Variants in MEIS2 observed in about 807,000 individuals in gnomAD.
MEIS2 encodes Meis homeobox 2, also known as homeobox protein Meis2.
Under a neutral mutation model 58.6 loss-of-function variants are expected in MEIS2, and 9 were observed. The ratio of observed to expected loss-of-function variants is 0.15; its 90% CI spans 0.09 to 0.27. The LOEUF (loss-of-function observed/expected upper bound fraction) is 0.27. Among genes scored for constraint, MEIS2 ranks in the 10% least tolerant of loss-of-function variants. The probability of loss-of-function intolerance (pLI) is 1.00; values close to 1 mark genes in which losing one functional copy is unlikely to be tolerated. For missense variants in MEIS2, 427 were observed against 635.0 expected (o/e 0.67, Z 3.52); for synonymous variants, 221 against 228.4 (o/e 0.97, Z 0.29).
intron 7 of MEIS2, among the ~76,000 whole-genome samples, chr15:37,051,253 G>T (rs1329832797): frequency 6.6e-6 from 1 of 151,942 alleles, no homozygotes; most frequent in Non-Finnish European, 1.5e-5. Flanking sequence ...AACAAACTGT[G>T]GTATATCCAC....
intron 8 of MEIS2, among the ~76,000 whole-genome samples, chr15:36,991,783 C>CTTTTTTTTTTTT (rs11285545): frequency 7.7e-3 from 395 of 51,036 alleles, no homozygotes; most frequent in East Asian, 0.016. Context: ...TTTTTTTTTT[C>CTTTTTTTTTTTT]TTTTTTTTTT....
At chr15:37,051,319 G>A (rs1206768928) in intron 7 of MEIS2, among the ~76,000 whole-genome samples, 2 of 152,142 alleles carry the variant, frequency 1.3e-5, no homozygotes, top group Admixed American at 1.3e-4. Context: ...CCCCCAGCAT[G>A]GTACATTTTG....
At chr15:37,011,436 A>G (rs1483417865) in intron 8 of MEIS2, among the ~76,000 whole-genome samples, 1 of 152,198 alleles carries the variant, frequency 6.6e-6, no homozygotes, top group Non-Finnish European at 1.5e-5. Flanking sequence ...ACAAATGTAT[A>G]TAGATGCAGA....
At chr15:37,050,063 A>G (rs1212817541) in intron 7 of MEIS2, among the ~76,000 whole-genome samples, 1 of 152,186 alleles carries the variant, frequency 6.6e-6, no homozygotes, top group African/African-American at 2.4e-5. Context: ...TAGAACATAT[A>G]TTGACTTTCA....
rs111592001 is a variant in MEIS2, at chr15:37,062,724, C to T, written c.754+21047G>A. Reference sequence around the variant, plus strand: ...GCATCAAATTTACATATAAGGACCCCTGAAGAATTTAACCAAATTTACCTT... The same window carrying T: ...GCATCAAATTTACATATAAGGACCCTTGAAGAATTTAACCAAATTTACCTT... On this transcript the variant is annotated intron_variant, in intron 7 of 11. Transcript: ENST00000561208. 3.2e-3 allele frequency among the ~76,000 whole-genome samples: 482 copies of T among 152,304 alleles called. 2 individuals are homozygous for T. The Middle Eastern group carries it at 0.034, about 11-fold the overall frequency.
At chr15:36,910,183 G>C (rs1006368587) in intron 9 of MEIS2, among the ~76,000 whole-genome samples, 3 of 152,088 alleles carry the variant, frequency 2.0e-5, no homozygotes, top group African/African-American at 7.2e-5. Flanking sequence ...TCCAGTCTGG[G>C]CAACAGAGCC....
chr15:37,008,133 T>A (rs2060989378), intron 8 of MEIS2, among the ~76,000 whole-genome samples: 1 of 152,224 alleles, frequency 6.6e-6, no homozygotes, highest in Non-Finnish European at 1.5e-5. Flanking sequence ...AATATTTCAA[T>A]TTTTTTCCAC....
chr15:36,927,843 C>G (rs558356516), intron 9 of MEIS2, among the ~76,000 whole-genome samples: 55 of 152,242 alleles, frequency 3.6e-4, no homozygotes, highest in Non-Finnish European at 6.9e-4. Flanking sequence ...GTAATAGATC[C>G]TGTCAGCTGT....
chr15:36,936,296 C>T (rs879564678), intron 9 of MEIS2, among the ~76,000 whole-genome samples: 2 of 150,974 alleles, frequency 1.3e-5, no homozygotes, highest in Admixed American at 1.3e-4. Context: ...CCGGGGTTCA[C>T]GCCTTTCTCC....
intron 1 of MEIS2, 92 bp downstream of exon 1, chr15:37,099,363 C>A: frequency 6.3e-7 from 1 of 1,576,610 alleles, no homozygotes; most frequent in Non-Finnish European, 8.6e-7. Flanking sequence ...CAGCGAGCAG[C>A]AGCAGAAGCG....
rs566403600 is a variant in MEIS2 at position 37,096,086 on chromosome 15, T to TG, written c.387+202dup. The TG allele has an allele frequency of 7.0e-4, 389 of 554,614 alleles. 1 individual carries two copies. Among genetic ancestry groups the TG allele is most frequent in the African/African-American group, 5.6e-3 (295 of 53,056 alleles). 34.4% of individuals were successfully genotyped at this position (554,614 alleles called of 1,614,324 possible). On this transcript the variant is annotated intron_variant, in intron 3 of 11. Transcript: ENST00000561208. The stretch of plus-strand genomic sequence containing the variant: ...CGAGGGTCGACCCCTGTATTCCTGC[T>TG]GGGGGGGAAAACAAACACCCATATT...
Position 36,891,002 on chromosome 15 carries a change from C to A in MEIS2, c.*1171G>T, listed in dbSNP as rs182229590. The A allele has an allele frequency of 6.6e-5, 10 of 152,540 alleles. No individual in the cohort carries two copies. The highest frequency in any genetic ancestry group is 6.5e-4 in the Admixed American group (10 of 15,292). 9.4% of individuals were successfully genotyped at this position (152,540 alleles called of 1,614,324 possible). On this transcript the variant is annotated 3_prime_UTR_variant, in exon 12 of 12. Transcript: ENST00000561208. ...GCATTGTGCAGTCTTGTCCTAAAACCATTAAAAACGCAAAAGCCTAACAAA... is the reference window on the plus strand; with the variant it reads ...GCATTGTGCAGTCTTGTCCTAAAACAATTAAAAACGCAAAAGCCTAACAAA...
At chr15:37,040,315 C>G (rs7169069) in intron 7 of MEIS2, among the ~76,000 whole-genome samples, 142,003 of 152,224 alleles carry the variant, frequency 0.93, 67,053 homozygotes, top group East Asian at 1. Context: ...ACTCAGAACA[C>G]ATAACCAGTG....
intron 8 of MEIS2, among the ~76,000 whole-genome samples, chr15:36,968,988 A>C (rs2059445735): frequency 6.6e-6 from 1 of 152,212 alleles, no homozygotes; most frequent in Non-Finnish European, 1.5e-5. Context: ...TTGAAACGTA[A>C]ACCGGCCATC....
At chr15:37,013,967 TC>T (rs1319120621) in intron 8 of MEIS2, among the ~76,000 whole-genome samples, 1 of 152,158 alleles carries the variant, frequency 6.6e-6, no homozygotes, top group Non-Finnish European at 1.5e-5. Context: ...TGGTGAAGAA[TC>T]TCAGGGAGGA....
chr15:36,898,444 G>C (rs966871107), intron 9 of MEIS2: 2 of 152,218 alleles, frequency 1.3e-5, no homozygotes, highest in Non-Finnish European at 2.9e-5. Context: ...ACACTCGGCA[G>C]GGGTTTTACC....
At chr15:36,978,305 A>G (rs1160060684) in intron 8 of MEIS2, among the ~76,000 whole-genome samples, 1 of 152,218 alleles carries the variant, frequency 6.6e-6, no homozygotes, top group Non-Finnish European at 1.5e-5. Context: ...GCTAATCCCT[A>G]GAGCAATTTA....
At chr15:37,007,085 CAGTA>C in intron 8 of MEIS2, among the ~76,000 whole-genome samples, 1 of 152,314 alleles carries the variant, frequency 6.6e-6, no homozygotes, top group East Asian at 1.9e-4. Flanking sequence ...ATAAGGCTGA[CAGTA>C]AGGAATTAAA....
intron 10 of MEIS2, 189 bp from the exon 11 acceptor site, chr15:36,895,450 T>C (rs1274255428): frequency 8.6e-6 from 5 of 578,954 alleles, no homozygotes. Flanking sequence ...AAAAATGTTC[T>C]GGAAGAAAGA....
Sources: gnomAD v4.1 joint callset for allele counts (sites outside exome capture counted in the v4.1 genomes callset) on GRCh38, gnomAD v4.1.1 for gene constraint, MANE v1.5 for transcripts, NCBI Gene and HGNC (gene_info 2026-07-23, HGNC 2026-07-21) for gene names.